Variants in GRIK1 observed in about 807,000 individuals in gnomAD.
The protein encoded by GRIK1 is glutamate receptor ionotropic, kainate 1.
A neutral mutation model predicts 105.7 loss-of-function variants in GRIK1; 69 were observed. The ratio of observed to expected loss-of-function variants is 0.65; its 90% CI spans 0.54 to 0.80. GRIK1 has a LOEUF of 0.80. GRIK1 is among the 30% of genes least tolerant of loss of function. GRIK1 has a pLI of 0.00. For synonymous variants in GRIK1, 438 were observed against 431.3 expected, an observed-to-expected ratio of 1.02 and a Z score of -0.19; for missense variants, 1,109 against 1,167.3, an observed-to-expected ratio of 0.95 and a Z score of 0.73.
chr21:29,705,535 A>G (rs1034205385), intron 1 of GRIK1, among the ~76,000 whole-genome samples: 5 of 152,056 alleles, frequency 3.3e-5, no homozygotes, highest in Admixed American at 1.3e-4. Flanking sequence ...CTGTAGATCT[A>G]CTCTCTTTGG....
intron 7 of GRIK1, among the ~76,000 whole-genome samples, chr21:29,616,982 TTC>T (rs958238086): frequency 2.6e-5 from 4 of 152,346 alleles, no homozygotes; most frequent in East Asian, 1.9e-4. Flanking sequence ...CTTAGTTTCA[TTC>T]TCTCTCTTGG....
intron 1 of GRIK1, among the ~76,000 whole-genome samples, chr21:29,829,609 T>A (rs1601801800): frequency 1.3e-5 from 2 of 152,188 alleles, no homozygotes; most frequent in East Asian, 1.9e-4. Context: ...TTCTAAATGA[T>A]CGATTCTGCC....
At chr21:29,923,647 T>A (rs1169234108) in intron 1 of GRIK1, among the ~76,000 whole-genome samples, 1 of 152,176 alleles carries the variant, frequency 6.6e-6, no homozygotes, top group South Asian at 2.1e-4. Context: ...ATGTTTCAGG[T>A]TTTGTTTGCT....
At chr21:29,621,015 A>C (rs915690531) in intron 7 of GRIK1, among the ~76,000 whole-genome samples, 1 of 151,568 alleles carries the variant, frequency 6.6e-6, no homozygotes, top group African/African-American at 2.4e-5. Flanking sequence ...CTAGGAAAAT[A>C]ATTTAAAATT....
At chr21:29,590,362 C>T (rs2061315014) in intron 10 of GRIK1, among the ~76,000 whole-genome samples, 1 of 152,166 alleles carries the variant, frequency 6.6e-6, no homozygotes, top group Non-Finnish European at 1.5e-5. Context: ...TCAGGGAAGG[C>T]TACTCCTGCC....
At chr21:29,556,823 G>A (rs541956743) in intron 15 of GRIK1, among the ~76,000 whole-genome samples, 71 of 152,278 alleles carry the variant, frequency 4.7e-4, no homozygotes, top group Admixed American at 2.6e-3. Context: ...CTTTCAATCC[G>A]CACTGGACTG....
At chr21:29,629,656 A>AT (rs1434721104) in intron 7 of GRIK1, among the ~76,000 whole-genome samples, 1 of 151,936 alleles carries the variant, frequency 6.6e-6, no homozygotes, top group African/African-American at 2.4e-5. Flanking sequence ...CGCCCGGCTA[A>AT]TTTTTTGTGT....
chr21:29,695,958 G>A (rs1002129711), intron 1 of GRIK1, among the ~76,000 whole-genome samples: 19 of 152,240 alleles, frequency 1.2e-4, no homozygotes, highest in African/African-American at 3.1e-4. Context: ...CGCATCATGC[G>A]CGTCATTTAT....
intron 1 of GRIK1, among the ~76,000 whole-genome samples, chr21:29,823,936 G>T (rs2067374522): frequency 6.6e-6 from 1 of 151,776 alleles, no homozygotes. Flanking sequence ...AGTTTAATGG[G>T]AATACCATGG....
intron 1 of GRIK1, among the ~76,000 whole-genome samples, chr21:29,725,407 C>T (rs2064432648): frequency 6.6e-6 from 1 of 152,162 alleles, no homozygotes; most frequent in Admixed American, 6.5e-5. Context: ...CTAGGATGAT[C>T]TTTCTCTTTG....
At chr21:29,596,655 G>A (rs1223548337) in intron 8 of GRIK1, 85 bp from the exon 9 acceptor site, 2 of 927,450 alleles carry the variant, frequency 2.2e-6, no homozygotes, top group Non-Finnish European at 3.6e-6. Flanking sequence ...TGGTGTGTGA[G>A]TGCTTAGAGT....
At chr21:29,708,337 TACTC>T (rs2063965756) in intron 1 of GRIK1, among the ~76,000 whole-genome samples, 1 of 152,222 alleles carries the variant, frequency 6.6e-6, no homozygotes, top group Admixed American at 6.5e-5. Flanking sequence ...ATTACTTTCT[TACTC>T]ATAATGATAT....
chr21:29,931,177 T>C (rs1020405465), intron 1 of GRIK1, among the ~76,000 whole-genome samples: 1 of 152,208 alleles, frequency 6.6e-6, no homozygotes, highest in Admixed American at 6.5e-5. Context: ...TCAGAGTCCT[T>C]GGTTTTTACC....
At chr21:29,921,802 G>T (rs770204881) in intron 1 of GRIK1, among the ~76,000 whole-genome samples, 1 of 152,100 alleles carries the variant, frequency 6.6e-6, no homozygotes, top group Admixed American at 6.6e-5. Context: ...ATTGGACAAG[G>T]TTCTAGAGGA....
chr21:29,813,101 AT>A (rs1878252564), intron 1 of GRIK1, among the ~76,000 whole-genome samples: 1 of 152,068 alleles, frequency 6.6e-6, no homozygotes, highest in Non-Finnish European at 1.5e-5. Flanking sequence ...AGAGCATGCA[AT>A]ACTCCTCTTT....
intron 4 of GRIK1, among the ~76,000 whole-genome samples, chr21:29,669,971 C>T: frequency 6.6e-6 from 1 of 152,134 alleles, no homozygotes; most frequent in Middle Eastern, 3.2e-3. Flanking sequence ...TTGACCAGAA[C>T]AGAAAAGTTC....
At chr21:29,709,865 T>A (rs1054647351) in intron 1 of GRIK1, among the ~76,000 whole-genome samples, 1 of 151,974 alleles carries the variant, frequency 6.6e-6, no homozygotes, top group African/African-American at 2.4e-5. Context: ...TTGAGTTTTC[T>A]CATAATGTAA....
At chr21:29,716,828 A>G (rs2064189630) in intron 1 of GRIK1, among the ~76,000 whole-genome samples, 1 of 152,260 alleles carries the variant, frequency 6.6e-6, no homozygotes, top group African/African-American at 2.4e-5. Flanking sequence ...AGTAATGAGG[A>G]GCTGAATGTT....
In GRIK1 at chr21:29,665,774, G is replaced by A. The variant is rs363561; in HGVS notation, c.726+7209C>T. The stretch of plus-strand genomic sequence containing the variant: ...ATTTCTCAAAGTTGCCTGTTTACAG[G>A]ATGTGAGCAACATGGGTGATGTGAA... On this transcript the variant is annotated intron_variant, in intron 4 of 17. Transcript: ENST00000327783. 2.9e-3 allele frequency among the ~76,000 whole-genome samples: 437 copies of A among 152,326 alleles called. 1 individual carries two copies. Among genetic ancestry groups the A allele is most frequent in the African/African-American group, 9.8e-3 (406 of 41,566 alleles).
Sources: gnomAD v4.1 joint callset for allele counts (sites outside exome capture counted in the v4.1 genomes callset) on GRCh38, gnomAD v4.1.1 for gene constraint, MANE v1.5 for transcripts, NCBI Gene and HGNC (gene_info 2026-07-23, HGNC 2026-07-21) for gene names.